Variants in NUBPL observed in about 807,000 individuals in gnomAD.
NUBPL encodes iron-sulfur cluster transfer protein NUBPL.
In NUBPL, 31 loss-of-function variants were observed where a neutral mutation model predicts 45.7. The ratio of observed to expected loss-of-function variants is 0.68; its 90% CI spans 0.51 to 0.92. The LOEUF (loss-of-function observed/expected upper bound fraction) is 0.92. Among genes scored for constraint, NUBPL ranks in the 40% least tolerant of loss-of-function variants. The probability of loss-of-function intolerance (pLI) is 0.00; values close to 1 mark genes in which losing one functional copy is unlikely to be tolerated. For synonymous variants in NUBPL, 144 were observed against 140.9 expected, an observed-to-expected ratio of 1.02 and a Z score of -0.15; for missense variants, 401 against 398.7, an observed-to-expected ratio of 1.01 and a Z score of -0.05.
intron 4 of NUBPL, among the ~76,000 whole-genome samples, chr14:31,660,457 A>G (rs2139767975): frequency 6.6e-6 from 1 of 152,294 alleles, no homozygotes; most frequent in South Asian, 2.1e-4. Context: ...GTGAGAAGTG[A>G]AATTGTAAAA....
In NUBPL at chr14:31,655,874, C is replaced by G. The variant is rs112615124; in HGVS notation, c.383-17481C>G. 3.9e-4 allele frequency among the ~76,000 whole-genome samples: 59 copies of G among 152,284 alleles called. 1 individual carries two copies. The highest frequency in any genetic ancestry group is 1.3e-3 in the African/African-American group (52 of 41,564). ...AACTTAAAGTTACCAGCTGCATTAG[C>G]CCCTATTAAGAGAGTAAACCTATTA... On this transcript the variant is annotated intron_variant, in intron 4 of 10. Transcript: ENST00000281081.
intron 6 of NUBPL, among the ~76,000 whole-genome samples, chr14:31,759,817 G>C (rs1487144779): frequency 6.6e-6 from 1 of 150,822 alleles, no homozygotes; most frequent in Non-Finnish European, 1.5e-5. Flanking sequence ...CATTACATGA[G>C]ATGTTCAACA....
At chr14:31,711,607 G>A (rs996131842) in intron 6 of NUBPL, among the ~76,000 whole-genome samples, 13 of 152,092 alleles carry the variant, frequency 8.5e-5, no homozygotes, top group East Asian at 1.9e-4. Flanking sequence ...AGACCCTCAC[G>A]GTGAGTGTTA....
intron 6 of NUBPL, among the ~76,000 whole-genome samples, chr14:31,712,170 G>A (rs1344086019): frequency 6.6e-6 from 1 of 152,188 alleles, no homozygotes; most frequent in Non-Finnish European, 1.5e-5. Flanking sequence ...TTTACAGAGA[G>A]CTGATTGGTC....
At chr14:31,807,134 C>A (rs538370394) in intron 7 of NUBPL, among the ~76,000 whole-genome samples, 1 of 152,160 alleles carries the variant, frequency 6.6e-6, no homozygotes, top group Non-Finnish European at 1.5e-5. Context: ...TGGGTATATA[C>A]CCAGTAATGG....
chr14:31,682,250 G>T (rs769424427), intron 6 of NUBPL, among the ~76,000 whole-genome samples: 1 of 151,968 alleles, frequency 6.6e-6, no homozygotes, highest in Non-Finnish European at 1.5e-5. Flanking sequence ...TGGTGAATTT[G>T]CCCTTTTGTT....
chr14:31,672,644 G>A (rs1262993506), intron 4 of NUBPL, among the ~76,000 whole-genome samples: 6 of 152,068 alleles, frequency 3.9e-5, no homozygotes, highest in Non-Finnish European at 2.9e-5. Context: ...TGTATTTTTA[G>A]TAGAGACAGC....
intron 7 of NUBPL, among the ~76,000 whole-genome samples, chr14:31,792,281 G>A (rs1007801939): frequency 3.3e-5 from 5 of 152,098 alleles, no homozygotes; most frequent in African/African-American, 7.2e-5. Context: ...TGTGCACCCC[G>A]ATGGGATGAA....
chr14:31,574,715 G>A (rs1248975746), intron 3 of NUBPL, among the ~76,000 whole-genome samples: 5 of 148,076 alleles, frequency 3.4e-5, no homozygotes, highest in African/African-American at 5.0e-5. Flanking sequence ...TCAGCCTTCC[G>A]AGTAGCTGGG....
intron 7 of NUBPL, among the ~76,000 whole-genome samples, chr14:31,821,250 C>T (rs961357000): frequency 1.3e-5 from 2 of 152,054 alleles, no homozygotes; most frequent in African/African-American, 2.4e-5. Context: ...AGTGAAGAAA[C>T]GACCCGGAAA....
chr14:31,815,237 C>T (rs2039892455), intron 7 of NUBPL, among the ~76,000 whole-genome samples: 1 of 151,976 alleles, frequency 6.6e-6, no homozygotes, highest in African/African-American at 2.4e-5. Context: ...TGTAGTTCTC[C>T]TTGAAGAGGT....
intron 7 of NUBPL, among the ~76,000 whole-genome samples, chr14:31,808,497 A>G (rs537376487): frequency 4.0e-4 from 61 of 152,302 alleles, no homozygotes; most frequent in African/African-American, 1.4e-3. Flanking sequence ...GAAGTTGCTT[A>G]TCAGCTTAAG....
chr14:31,583,553 TC>T (rs2033919091), intron 3 of NUBPL, among the ~76,000 whole-genome samples: 1 of 152,140 alleles, frequency 6.6e-6, no homozygotes, highest in Non-Finnish European at 1.5e-5. Context: ...AGAGAAGACT[TC>T]CCCCAGTGAG....
chr14:31,845,103 T>G (rs2040431888), intron 8 of NUBPL: 1 of 152,114 alleles, frequency 6.6e-6, no homozygotes, highest in Non-Finnish European at 1.5e-5. Context: ...TTCCGGTACT[T>G]GGGTTTTGTG....
intron 6 of NUBPL, among the ~76,000 whole-genome samples, chr14:31,711,739 CG>C (rs2037575774): frequency 6.6e-6 from 1 of 151,982 alleles, no homozygotes; most frequent in Non-Finnish European, 1.5e-5. Context: ...CAGACCTTCG[CG>C]GTGAGTGTTA....
intron 7 of NUBPL, among the ~76,000 whole-genome samples, chr14:31,826,094 C>A (rs1298418874): frequency 6.6e-6 from 1 of 152,032 alleles, no homozygotes; most frequent in Non-Finnish European, 1.5e-5. Flanking sequence ...TCCTGAATCA[C>A]TGATTAGTCA....
At chr14:31,611,978 TG>T (rs1268721062) in intron 4 of NUBPL, among the ~76,000 whole-genome samples, 1 of 152,138 alleles carries the variant, frequency 6.6e-6, no homozygotes, top group Admixed American at 6.5e-5. Context: ...AAGAAAACAT[TG>T]GGAAAGATCT....
At chr14:31,781,296 G>A (rs944757127) in intron 6 of NUBPL, among the ~76,000 whole-genome samples, 7 of 152,124 alleles carry the variant, frequency 4.6e-5, no homozygotes, top group Admixed American at 4.6e-4. Context: ...TGTTTCCTAG[G>A]CCAGTTACTT....
chr14:31,834,965 T>C (rs2040258893), intron 8 of NUBPL, among the ~76,000 whole-genome samples: 1 of 152,180 alleles, frequency 6.6e-6, no homozygotes, highest in Admixed American at 6.6e-5. Context: ...ATCTAGGGTA[T>C]AAGAGGGTTC....
Sources: allele counts gnomAD v4.1 joint callset (sites outside exome capture counted in the v4.1 genomes callset), GRCh38; gene constraint gnomAD v4.1.1; transcripts MANE v1.5; gene names NCBI Gene and HGNC (gene_info 2026-07-23, HGNC 2026-07-21).